Variants in GOLM2 observed in about 807,000 individuals in gnomAD.
The protein encoded by GOLM2 is protein GOLM2.
In GOLM2, 26 loss-of-function variants were observed where a neutral mutation model predicts 55.9. That is an observed-to-expected ratio of 0.47 (90% CI 0.34 to 0.65). GOLM2 has a LOEUF of 0.65. GOLM2 is among the 30% of genes least tolerant of loss of function. The probability of loss-of-function intolerance (pLI) is 0.01; values close to 1 mark genes in which losing one functional copy is unlikely to be tolerated. For missense variants in GOLM2, 486 were observed against 531.8 expected (o/e 0.91, Z 0.85); for synonymous variants, 165 against 194.6 (o/e 0.85, Z 1.27).
chr15:44,332,218 G>A, intron 4 of GOLM2, 140 bp downstream of exon 4: 1 of 539,850 alleles, frequency 1.9e-6, no homozygotes, highest in Non-Finnish European at 3.3e-6. Context: ...ATTTACAATG[G>A]CTTTATTTCT....
chr15:44,405,625 GCTT>G (rs1306789581), intron 9 of GOLM2, among the ~76,000 whole-genome samples: 1 of 151,502 alleles, frequency 6.6e-6, no homozygotes, highest in Non-Finnish European at 1.5e-5. Flanking sequence ...GTGTTTTTTT[GCTT>G]TTTTTTTTGA....
chr15:44,296,304 G>A (rs1484068707), intron 1 of GOLM2, among the ~76,000 whole-genome samples: 2 of 152,068 alleles, frequency 1.3e-5, no homozygotes, highest in East Asian at 3.9e-4. Context: ...TAAATAAAAG[G>A]AGCTGTTAGA....
At chr15:44,343,023 C>T (rs1223956057) in intron 6 of GOLM2, among the ~76,000 whole-genome samples, 1 of 152,146 alleles carries the variant, frequency 6.6e-6, no homozygotes, top group Non-Finnish European at 1.5e-5. Context: ...TGGCACATAG[C>T]AAGTGCTATA....
intron 8 of GOLM2, among the ~76,000 whole-genome samples, chr15:44,395,177 A>C (rs1276144287): frequency 7.3e-6 from 1 of 136,550 alleles, no homozygotes; most frequent in Non-Finnish European, 1.6e-5. Flanking sequence ...CGCCCGGCTA[A>C]TTTTTTTTTT....
chr15:44,389,196 C>T (rs2079470881), intron 8 of GOLM2, among the ~76,000 whole-genome samples: 1 of 152,134 alleles, frequency 6.6e-6, no homozygotes, highest in South Asian at 2.1e-4. Flanking sequence ...TCATTTAACA[C>T]TTGTCAAATC....
rs1301281420 is a variant in GOLM2, at chr15:44,304,230, C to CTTCTT, written c.327+14876_327+14877insCTTTT. Among the ~76,000 whole-genome samples, 319 of 82,926 alleles carry CTTCTT rather than the reference C, an allele frequency of 3.8e-3. 14 individuals are homozygous for CTTCTT. In the East Asian group the frequency reaches 0.043, roughly 11 times the overall value. The allele number at this position is 82,926 out of a possible 152,430, so 54.4% of individuals were successfully genotyped here. On this transcript the variant is annotated intron_variant, in intron 1 of 9. Coordinates refer to ENST00000299957, the MANE Select transcript of GOLM2 (RefSeq NM_138423.4). Reference sequence around the variant, plus strand: ...TCAGTCACGTCTTCAGGCTCCACTTCTTTTTTTTTTTTTTTTTTTTTTTTT... The same window carrying CTTCTT: ...TCAGTCACGTCTTCAGGCTCCACTTCTTCTTTTTTTTTTTTTTTTTTTTTTTTTTT...
intron 9 of GOLM2, 94 bp downstream of exon 9, chr15:44,403,148 GCA>G: frequency 7.0e-7 from 1 of 1,419,056 alleles, no homozygotes; most frequent in Non-Finnish European, 9.8e-7. Context: ...CTTATTAGTG[GCA>G]GTGTAACCTA....
intron 9 of GOLM2, among the ~76,000 whole-genome samples, chr15:44,403,399 T>C (rs1164148602): frequency 6.6e-6 from 1 of 152,062 alleles, no homozygotes; most frequent in Admixed American, 6.6e-5. Flanking sequence ...CGACCTCAGG[T>C]GATCTGCTCA....
At chr15:44,382,615 C>CG (rs2079411262) in intron 8 of GOLM2, among the ~76,000 whole-genome samples, 7 of 152,116 alleles carry the variant, frequency 4.6e-5, no homozygotes, top group Non-Finnish European at 8.8e-5. Context: ...TCATGAACTA[C>CG]TGCTCCCGGC....
intron 8 of GOLM2, among the ~76,000 whole-genome samples, chr15:44,383,106 T>C (rs2079415901): frequency 6.6e-6 from 1 of 150,940 alleles, no homozygotes; most frequent in Non-Finnish European, 1.5e-5. Flanking sequence ...TATACACATA[T>C]ATTCTGTATA....
chr15:44,346,296 G>C (rs1042265343), intron 6 of GOLM2: 1 of 151,436 alleles, frequency 6.6e-6, no homozygotes, highest in African/African-American at 2.4e-5. Context: ...TTGCATATTG[G>C]AATCTCTGGG....
intron 3 of GOLM2, among the ~76,000 whole-genome samples, chr15:44,330,567 A>G (rs2079016632): frequency 6.6e-6 from 1 of 151,796 alleles, no homozygotes; most frequent in African/African-American, 2.4e-5. Context: ...TCTATGCAAA[A>G]AAGATTTCCC....
intron 6 of GOLM2, among the ~76,000 whole-genome samples, chr15:44,338,957 A>G (rs916279875): frequency 3.3e-5 from 5 of 151,670 alleles, no homozygotes; most frequent in South Asian, 4.2e-4. Context: ...TTTTCTTGCC[A>G]TATCTATGTT....
At chr15:44,296,173 C>A (rs1016802179) in intron 1 of GOLM2, among the ~76,000 whole-genome samples, 9 of 152,196 alleles carry the variant, frequency 5.9e-5, no homozygotes, top group Non-Finnish European at 1.3e-4. Context: ...CCTGTTTAAG[C>A]CTTCTGAGTA....
intron 2 of GOLM2, among the ~76,000 whole-genome samples, chr15:44,325,020 T>C (rs1031748919): frequency 9.2e-5 from 14 of 152,012 alleles, no homozygotes; most frequent in African/African-American, 3.4e-4. Context: ...TAAAATTGAT[T>C]TTTTTTAACC....
chr15:44,394,551 G>A (rs2079512181), intron 8 of GOLM2, among the ~76,000 whole-genome samples: 1 of 152,000 alleles, frequency 6.6e-6, no homozygotes, highest in South Asian at 2.1e-4. Context: ...CTATATGCAG[G>A]GCCTATATCC....
At chr15:44,292,844 T>C (rs2141103061) in intron 1 of GOLM2, among the ~76,000 whole-genome samples, 1 of 152,292 alleles carries the variant, frequency 6.6e-6, no homozygotes, top group Non-Finnish European at 1.5e-5. Flanking sequence ...AGACAGGGTC[T>C]TGCTCTGTCA....
chr15:44,386,871 GAAAA>G (rs60519589), intron 8 of GOLM2, among the ~76,000 whole-genome samples: 2 of 151,370 alleles, frequency 1.3e-5, no homozygotes. Flanking sequence ...CCCTGTCTCT[GAAAA>G]AATAAAATTA....
At chr15:44,360,202 A>C (rs1228204812) in intron 6 of GOLM2, among the ~76,000 whole-genome samples, 1 of 151,974 alleles carries the variant, frequency 6.6e-6, no homozygotes, top group Non-Finnish European at 1.5e-5. Flanking sequence ...ACACATAACA[A>C]TATTAACTTT....
Sources: allele counts gnomAD v4.1 joint callset (sites outside exome capture counted in the v4.1 genomes callset), GRCh38; gene constraint gnomAD v4.1.1; transcripts MANE v1.5; gene names NCBI Gene and HGNC (gene_info 2026-07-23, HGNC 2026-07-21).